The following PCDH15 variants were observed in gnomAD, a reference collection of about 807,000 sequenced individuals.
The protein encoded by PCDH15 is protocadherin related 15.
PCDH15 carries 129 observed loss-of-function variants against 178.5 expected under a neutral mutation model. The observed-to-expected ratio is 0.72, with a 90% CI of 0.63 to 0.84. The LOEUF (loss-of-function observed/expected upper bound fraction) is 0.84, where lower values mean the gene tolerates loss of function less well. PCDH15 is among the 40% of genes least tolerant of loss of function. PCDH15 has a pLI of 0.00. For missense variants in PCDH15, 2,230 were observed against 2,099.9 expected (o/e 1.06, Z -1.21); for synonymous variants, 800 against 732.0 (o/e 1.09, Z -1.50).
chr10:54,026,571 G>T (rs1231442601), intron 18 of PCDH15, among the ~76,000 whole-genome samples: 1 of 152,130 alleles, frequency 6.6e-6, no homozygotes, highest in East Asian at 1.9e-4. Context: ...AAGCTACCAT[G>T]ACAAGAAGTA....
intron 3 of PCDH15, among the ~76,000 whole-genome samples, chr10:54,518,378 T>C (rs2138077142): frequency 6.6e-6 from 1 of 151,746 alleles, no homozygotes; most frequent in African/African-American, 2.4e-5. Flanking sequence ...ATAAAGGGGA[T>C]ATCACCACCG....
intron 3 of PCDH15, among the ~76,000 whole-genome samples, chr10:54,474,842 C>A (rs928376352): frequency 2.0e-5 from 3 of 152,002 alleles, no homozygotes; most frequent in African/African-American, 7.2e-5. Flanking sequence ...GAAACAAATT[C>A]TTTGAACAGA....
chr10:55,184,905 A>T (rs188936853), intron 1 of PCDH15, among the ~76,000 whole-genome samples: 42 of 152,060 alleles, frequency 2.8e-4, no homozygotes, highest in Admixed American at 5.9e-4. Flanking sequence ...AATGAGTTAA[A>T]CTAATTTTAA....
intron 1 of PCDH15, among the ~76,000 whole-genome samples, chr10:54,705,057 A>G (rs1027269933): frequency 6.6e-6 from 1 of 152,156 alleles, no homozygotes; most frequent in African/African-American, 2.4e-5. Context: ...GTTCTAAGTG[A>G]ACTAATGAAG....
intron 2 of PCDH15, among the ~76,000 whole-genome samples, chr10:54,911,117 T>A (rs538001203): frequency 8.0e-4 from 122 of 152,316 alleles, no homozygotes; most frequent in African/African-American, 2.8e-3. Flanking sequence ...ACTTTGAGTT[T>A]CACTCTTAGT....
chr10:55,066,168 T>C (rs912161727), intron 2 of PCDH15, among the ~76,000 whole-genome samples: 3 of 151,716 alleles, frequency 2.0e-5, no homozygotes, highest in Non-Finnish European at 4.4e-5. Flanking sequence ...AAACTTTTTT[T>C]TTCTTAACAG....
chr10:54,373,950 A>T (rs2134861683), intron 4 of PCDH15, among the ~76,000 whole-genome samples: 1 of 152,166 alleles, frequency 6.6e-6, no homozygotes, highest in Middle Eastern at 3.4e-3. Flanking sequence ...TGGGACAATA[A>T]TTACATTAGT....
At chr10:54,213,732 AG>A (rs2051696928) in intron 10 of PCDH15, among the ~76,000 whole-genome samples, 2 of 152,204 alleles carry the variant, frequency 1.3e-5, no homozygotes, top group Admixed American at 6.5e-5. Context: ...TTTACCCCAT[AG>A]TACTATAAAA....
intron 2 of PCDH15, among the ~76,000 whole-genome samples, chr10:55,059,245 C>G (rs890679884): frequency 6.6e-6 from 1 of 152,108 alleles, no homozygotes; most frequent in Non-Finnish European, 1.5e-5. Flanking sequence ...TTCCTACCAA[C>G]CCATAAAAAT....
chr10:53,811,477 T>A, intron 36 of PCDH15, 72 bp downstream of exon 36: 1 of 934,384 alleles, frequency 1.1e-6, no homozygotes, highest in South Asian at 2.1e-5. Context: ...CTAGTAATAA[T>A]AATCATTTAA....
chr10:55,062,886 T>C (rs769091479), intron 2 of PCDH15, among the ~76,000 whole-genome samples: 1 of 152,154 alleles, frequency 6.6e-6, no homozygotes, highest in African/African-American at 2.4e-5. Flanking sequence ...TTGATGTGAA[T>C]CTAAAACTGC....
At chr10:54,639,376 A>G (rs2093939768) in intron 2 of PCDH15, among the ~76,000 whole-genome samples, 1 of 152,136 alleles carries the variant, frequency 6.6e-6, no homozygotes, top group African/African-American at 2.4e-5. Flanking sequence ...TCAGAGAGTT[A>G]AGAGTTATAA....
chr10:55,528,679 A>G (rs567627701), intron 2 of PCDH15, among the ~76,000 whole-genome samples: 22 of 152,264 alleles, frequency 1.4e-4, no homozygotes, highest in African/African-American at 5.1e-4. Flanking sequence ...TAGTGCCTCA[A>G]TAAGCATACG....
chr10:54,458,920 G>T (rs1488102589), intron 3 of PCDH15, among the ~76,000 whole-genome samples: 3 of 152,052 alleles, frequency 2.0e-5, no homozygotes, highest in Admixed American at 6.6e-5. Context: ...AAATAATGTT[G>T]TTTCATTCAA....
chr10:54,543,589 T>A (rs2085507053), intron 2 of PCDH15, among the ~76,000 whole-genome samples: 1 of 152,184 alleles, frequency 6.6e-6, no homozygotes, highest in Admixed American at 6.5e-5. Flanking sequence ...CAACTGTTTT[T>A]AAAAATAATA....
At chr10:54,775,768 C>T (rs1041592426) in intron 1 of PCDH15, among the ~76,000 whole-genome samples, 5 of 152,108 alleles carry the variant, frequency 3.3e-5, no homozygotes, top group African/African-American at 1.2e-4. Context: ...GCCTGTAGTC[C>T]CAGCTACTCG....
chr10:54,325,543 G>C (rs1347811489), intron 7 of PCDH15, among the ~76,000 whole-genome samples: 1 of 152,028 alleles, frequency 6.6e-6, no homozygotes, highest in African/African-American at 2.4e-5. Context: ...GAGGCCATGA[G>C]TTTGAGACCA....
chr10:53,918,492 G>T (rs2083715650), intron 25 of PCDH15, among the ~76,000 whole-genome samples: 1 of 152,080 alleles, frequency 6.6e-6, no homozygotes, highest in African/African-American at 2.4e-5. Context: ...ACTGAATAAA[G>T]AATTATTGAA....
intron 12 of PCDH15, among the ~76,000 whole-genome samples, chr10:54,184,679 C>A (rs902230716): frequency 2.6e-5 from 4 of 151,900 alleles, no homozygotes; most frequent in African/African-American, 4.8e-5. Context: ...ATAGTAACTA[C>A]CCCTTCACAA....
Sources: allele counts gnomAD v4.1 joint callset (sites outside exome capture counted in the v4.1 genomes callset), GRCh38; gene constraint gnomAD v4.1.1; transcripts MANE v1.5; gene names NCBI Gene and HGNC (gene_info 2026-07-23, HGNC 2026-07-21).